DYNC1I1: variants seen among roughly 807,000 people sequenced by gnomAD.
DYNC1I1 encodes the protein cytoplasmic dynein 1 intermediate chain 1.
In DYNC1I1, 43 loss-of-function variants were observed where a neutral mutation model predicts 86.6. The ratio of observed to expected loss-of-function variants is 0.50; its 90% confidence interval spans 0.39 to 0.64. DYNC1I1 has a LOEUF of 0.64. Ranked by LOEUF, DYNC1I1 falls within the 30% of genes least tolerant of loss-of-function variation. The probability of loss-of-function intolerance (pLI) is 0.00; values close to 1 mark genes in which losing one functional copy is unlikely to be tolerated. For synonymous variants in DYNC1I1, 262 were observed against 283.7 expected (o/e 0.92, Z 0.77); for missense variants, 604 against 788.8 (o/e 0.77, Z 2.81).
Position 95,898,397 on chromosome 7 carries a change from C to T in DYNC1I1, c.490+28399C>T, listed in dbSNP as rs1790945168. ...TCTGTCCCTGGTTTAGATAACATGA[C>T]TAAAAATGTTTAATTTTTAAGCCCA... On this transcript the variant is annotated intron_variant, in intron 6 of 16. Coordinates refer to ENST00000447467, the MANE Select transcript of DYNC1I1 (RefSeq NM_001135556.2). Among the ~76,000 whole-genome samples the T allele has an allele frequency of 2.0e-5, 3 of 152,314 alleles. No individual in the cohort carries two copies. In the South Asian group the frequency reaches 6.2e-4, roughly 32 times the overall value.
chr7:95,790,662 A>G (rs976378042), intron 1 of DYNC1I1, among the ~76,000 whole-genome samples: 7 of 152,242 alleles, frequency 4.6e-5, no homozygotes, highest in African/African-American at 1.7e-4. Flanking sequence ...GTGGGTGACT[A>G]TGGCGAAGAA....
At chr7:95,914,416 A>C (rs1391986291) in intron 6 of DYNC1I1, among the ~76,000 whole-genome samples, 1 of 152,246 alleles carries the variant, frequency 6.6e-6, no homozygotes, top group Non-Finnish European at 1.5e-5. Flanking sequence ...GAAAGCTCAA[A>C]ATACACTTCT....
At chr7:95,998,879 A>G (rs1412190046) in intron 10 of DYNC1I1, among the ~76,000 whole-genome samples, 5 of 152,208 alleles carry the variant, frequency 3.3e-5, no homozygotes, top group African/African-American at 1.2e-4. Context: ...GTGTTTTGTA[A>G]AGACTGACAA....
chr7:96,020,479 C>A (rs1285732431), intron 10 of DYNC1I1, among the ~76,000 whole-genome samples: 1 of 152,136 alleles, frequency 6.6e-6, no homozygotes, highest in African/African-American at 2.4e-5. Context: ...ATGGGAAAGA[C>A]CTGCCCCCAT....
chr7:96,100,364 C>CTTCCTTCCTTCCTTCT (rs1791111324), downstream of DYNC1I1, among the ~76,000 whole-genome samples: 2 of 140,914 alleles, frequency 1.4e-5, no homozygotes, highest in Non-Finnish European at 3.0e-5. Context: ...CCTTTCCTTC[C>CTTCCTTCCTTCCTTCT]TTCCTTCCTT....
chr7:96,092,081 C>G (rs1390354662), intron 16 of DYNC1I1, among the ~76,000 whole-genome samples: 3 of 152,000 alleles, frequency 2.0e-5, no homozygotes, highest in Non-Finnish European at 4.4e-5. Flanking sequence ...CTTTCCCTGT[C>G]CCCCGTTCAT....
At position 95,880,462 on chromosome 7, in the gene DYNC1I1, C is replaced by T. The variant is rs114436066; in HGVS notation, c.490+10464C>T. On this transcript the variant is annotated intron_variant, in intron 6 of 16. Transcript: ENST00000447467. Reference sequence around the variant, plus strand: ...TTTTTTTCCTGGGGGAGCCAGCATACCTGTAGGGGTTACAAGTTACTTTCT... The same window carrying T: ...TTTTTTTCCTGGGGGAGCCAGCATATCTGTAGGGGTTACAAGTTACTTTCT... Among the ~76,000 whole-genome samples, 1,038 of 152,180 alleles carry T rather than the reference C, an allele frequency of 6.8e-3. 19 individuals carry two copies. The highest frequency in any genetic ancestry group is 0.023 in the African/African-American group (949 of 41,502).
chr7:95,871,210 C>T (rs1488503), intron 6 of DYNC1I1, among the ~76,000 whole-genome samples: 30,685 of 152,016 alleles, frequency 0.2, 3,923 homozygotes, highest in East Asian at 0.45. Flanking sequence ...GACAGTTCTT[C>T]AGTAGCAGGG....
intron 16 of DYNC1I1, among the ~76,000 whole-genome samples, chr7:96,086,042 A>C (rs984104079): frequency 1.3e-5 from 2 of 152,230 alleles, no homozygotes; most frequent in Non-Finnish European, 2.9e-5. Context: ...TATAGAGCTG[A>C]CTTCAACAGC....
chr7:96,093,152 T>C (rs1790897519), intron 16 of DYNC1I1, among the ~76,000 whole-genome samples: 1 of 152,200 alleles, frequency 6.6e-6, no homozygotes, highest in South Asian at 2.1e-4. Flanking sequence ...CGTATCATTT[T>C]GGGGAGCTGT....
At chr7:96,110,160 G>C (rs1428438986), downstream of DYNC1I1, 1 of 385,554 alleles carries the variant, frequency 2.6e-6, no homozygotes, top group Non-Finnish European at 5.1e-6. Flanking sequence ...ATATCTTTTA[G>C]TTCTTTCAGT....
chr7:95,909,245 G>GGGC (rs1791261953), intron 6 of DYNC1I1, among the ~76,000 whole-genome samples: 1 of 20,186 alleles, frequency 5.0e-5, no homozygotes, highest in Non-Finnish European at 1.1e-4. Flanking sequence ...GAGGGGGGTG[G>GGGC]GGGGGGGGGG....
At chr7:95,954,915 CAAAA>C (rs58435060) in intron 6 of DYNC1I1, among the ~76,000 whole-genome samples, 4 of 81,854 alleles carry the variant, frequency 4.9e-5, no homozygotes, top group African/African-American at 9.4e-5. Context: ...GACTCTGTCT[CAAAA>C]AAAAAAAAAA....
chr7:95,998,779 T>C (rs1048990566), intron 10 of DYNC1I1, among the ~76,000 whole-genome samples: 11 of 152,200 alleles, frequency 7.2e-5, no homozygotes, highest in Non-Finnish European at 1.5e-4. Context: ...TTTTTAAAAG[T>C]GTATAATTGT....
downstream of DYNC1I1, among the ~76,000 whole-genome samples, chr7:96,099,832 G>A (rs556460949): frequency 6.6e-6 from 1 of 152,260 alleles, no homozygotes; most frequent in Admixed American, 6.5e-5. Context: ...AAGGTTATAA[G>A]AAGACATATA....
At chr7:95,790,666 C>G (rs151326121) in intron 1 of DYNC1I1, among the ~76,000 whole-genome samples, 1 of 151,810 alleles carries the variant, frequency 6.6e-6, no homozygotes, top group Admixed American at 6.6e-5. Context: ...GTGACTATGG[C>G]GAAGAAAGAA....
intron 4 of DYNC1I1, chr7:95,818,424 C>T (rs1794996409): frequency 1.7e-6 from 1 of 577,140 alleles, no homozygotes; most frequent in Middle Eastern, 3.7e-4. Flanking sequence ...ACTTCAGCTT[C>T]CTGCATAGCT....
intron 14 of DYNC1I1, among the ~76,000 whole-genome samples, chr7:96,041,719 T>A (rs1178062740): frequency 6.6e-6 from 1 of 152,022 alleles, no homozygotes; most frequent in African/African-American, 2.4e-5. Context: ...TAAAGCAAAG[T>A]GGAGAGAAGT....
At chr7:96,098,766 A>G (rs1261486170), downstream of DYNC1I1, among the ~76,000 whole-genome samples, 2 of 152,210 alleles carry the variant, frequency 1.3e-5, no homozygotes, top group African/African-American at 4.8e-5. Context: ...GTTTATTACT[A>G]TTGGACTAGG....
Sources: allele counts gnomAD v4.1 joint callset (sites outside exome capture counted in the v4.1 genomes callset), GRCh38; gene constraint gnomAD v4.1.1; transcripts MANE v1.5; gene names NCBI Gene and HGNC (gene_info 2026-07-23, HGNC 2026-07-21).